MACROD2: variants seen among roughly 807,000 people sequenced by gnomAD.
The protein encoded by MACROD2 is ADP-ribose glycohydrolase MACROD2.
Under a neutral mutation model 70.4 loss-of-function variants are expected in MACROD2, and 36 were observed. The ratio of observed to expected loss-of-function variants is 0.51; its 90% CI spans 0.39 to 0.68. The LOEUF is 0.68. MACROD2 is among the 30% of genes least tolerant of loss of function. MACROD2 has a pLI of 0.00. For missense variants in MACROD2, 496 were observed against 538.4 expected (o/e 0.92, Z 0.78); for synonymous variants, 172 against 178.8 (o/e 0.96, Z 0.30).
chr20:14,723,746 A>T (rs1600588919), intron 5 of MACROD2, among the ~76,000 whole-genome samples: 1 of 151,860 alleles, frequency 6.6e-6, no homozygotes, highest in Non-Finnish European at 1.5e-5. Flanking sequence ...AAAATTATGT[A>T]TCTGGTCATA....
intron 8 of MACROD2, among the ~76,000 whole-genome samples, chr20:15,730,092 T>C (rs2050925069): frequency 6.6e-6 from 1 of 152,080 alleles, no homozygotes; most frequent in South Asian, 2.1e-4. Context: ...CCTCCCAAAG[T>C]GTTGGGATTA....
chr20:14,963,913 TAGGA>T (rs1368644709), intron 5 of MACROD2, among the ~76,000 whole-genome samples: 10 of 152,216 alleles, frequency 6.6e-5, no homozygotes, highest in Non-Finnish European at 2.9e-5. Flanking sequence ...GGGAAATGCA[TAGGA>T]TATCAATGGC....
chr20:14,287,383 AATGATGATGATG>A (rs148121991), intron 3 of MACROD2, among the ~76,000 whole-genome samples: 7 of 151,290 alleles, frequency 4.6e-5, no homozygotes, highest in African/African-American at 2.4e-5. Context: ...ATGATTAGGA[AATGATGATGATG>A]ATGATGATGA....
In MACROD2 at chr20:15,785,965, T is replaced by G. The variant is rs962677914; in HGVS notation, c.646-76780T>G. ...ACAGGAATATTTTATAAAATACTTCTTCATATCCGCAGAGTTCTGGTTAAC... is the reference window on the plus strand; with the variant it reads ...ACAGGAATATTTTATAAAATACTTCGTCATATCCGCAGAGTTCTGGTTAAC... On this transcript the variant is annotated intron_variant, in intron 8 of 17. Coordinates refer to ENST00000684519, the MANE Select transcript of MACROD2 (RefSeq NM_001351661.2). Among the ~76,000 whole-genome samples the G allele has an allele frequency of 4.6e-5, 7 of 152,154 alleles. No individual in the cohort carries two copies. The East Asian group carries it at 1.3e-3, about 29-fold the overall frequency.
chr20:15,631,743 C>G lies in MACROD2; in HGVS notation c.645+131896C>G, dbSNP rs141624264. 1.2e-4 allele frequency among the ~76,000 whole-genome samples: 18 copies of G among 152,234 alleles called. No individual in the cohort carries two copies. In the East Asian group the frequency reaches 3.5e-3, roughly 30 times the overall value. On this transcript the variant is annotated intron_variant, in intron 8 of 17. Coordinates refer to ENST00000684519, the MANE Select transcript of MACROD2 (RefSeq NM_001351661.2). ...CACTGGTTTCCAGATTTTGTTGCAC[C>G]TTGGAACCACTTGGAGAGCTTTAAA...
chr20:15,903,982 G>A (rs2065104379), intron 10 of MACROD2, among the ~76,000 whole-genome samples: 1 of 152,104 alleles, frequency 6.6e-6, no homozygotes, highest in Admixed American at 6.6e-5. Flanking sequence ...GGCATAGATG[G>A]GTGTTTTCAT....
intron 5 of MACROD2, among the ~76,000 whole-genome samples, chr20:14,937,268 A>G (rs2074348377): frequency 1.3e-5 from 2 of 151,906 alleles, no homozygotes. Context: ...GCAGTAGAAG[A>G]GGTGGTAGGG....
intron 5 of MACROD2, among the ~76,000 whole-genome samples, chr20:15,124,456 A>G (rs191166702): frequency 2.5e-3 from 378 of 151,534 alleles, no homozygotes; most frequent in Non-Finnish European, 3.9e-3. Flanking sequence ...TTTATGTTCT[A>G]TGAAATGCAT....
At chr20:14,239,032 A>C (rs1468493668) in intron 3 of MACROD2, among the ~76,000 whole-genome samples, 1 of 31,636 alleles carries the variant, frequency 3.2e-5, no homozygotes, top group Non-Finnish European at 5.0e-5. Flanking sequence ...GTCTCAAAAA[A>C]AAAAAAAAAA....
chr20:14,574,699 A>G (rs1050972048), intron 4 of MACROD2, among the ~76,000 whole-genome samples: 1 of 151,116 alleles, frequency 6.6e-6, no homozygotes, highest in African/African-American at 2.4e-5. Context: ...AACATACAAA[A>G]TATAATATAT....
In MACROD2 at chr20:14,186,881, T is replaced by C. The variant is rs1220483285; in HGVS notation, c.271+101153T>C. Among the ~76,000 whole-genome samples, 16 of 152,238 alleles carry C rather than the reference T, an allele frequency of 1.1e-4. No homozygotes were observed. The South Asian group carries it at 3.3e-3, about 32-fold the overall frequency. ...AATACCACATGTTCTAATTTATAAGTAGGTGCTAAACATTATGTACACATG... is the reference window on the plus strand; with the variant it reads ...AATACCACATGTTCTAATTTATAAGCAGGTGCTAAACATTATGTACACATG... On this transcript the variant is annotated intron_variant, in intron 3 of 17. Coordinates refer to ENST00000684519, the MANE Select transcript of MACROD2 (RefSeq NM_001351661.2).
At chr20:15,912,795 A>G (rs2065256159) in intron 10 of MACROD2, among the ~76,000 whole-genome samples, 1 of 152,254 alleles carries the variant, frequency 6.6e-6, no homozygotes, top group East Asian at 1.9e-4. Context: ...TTGACATTGA[A>G]TGGTATGCCC....
At chr20:14,167,355 T>A (rs1426563923) in intron 3 of MACROD2, among the ~76,000 whole-genome samples, 1 of 152,126 alleles carries the variant, frequency 6.6e-6, no homozygotes, top group Non-Finnish European at 1.5e-5. Flanking sequence ...GTCTTTAAGA[T>A]CAGAGACTAT....
In MACROD2 at chr20:14,422,008, T is replaced by G. The variant is rs183853366; in HGVS notation, c.272-71471T>G. Reference sequence around the variant, plus strand: ...CAAGGTATTGAGTCTTCGACTATTATCTCCCTTGTATTCCAGTATGTAGAA... The same window carrying G: ...CAAGGTATTGAGTCTTCGACTATTAGCTCCCTTGTATTCCAGTATGTAGAA... On this transcript the variant is annotated intron_variant, in intron 3 of 17. Coordinates refer to ENST00000684519, the MANE Select transcript of MACROD2 (RefSeq NM_001351661.2). Among the ~76,000 whole-genome samples, 131 of 152,290 alleles carry G rather than the reference T, an allele frequency of 8.6e-4. 1 individual carries two copies. Among genetic ancestry groups the G allele is most frequent in the African/African-American group, 2.8e-3 (118 of 41,564 alleles).
At chr20:14,566,181 C>T (rs945319660) in intron 4 of MACROD2, among the ~76,000 whole-genome samples, 11 of 151,768 alleles carry the variant, frequency 7.2e-5, no homozygotes, top group African/African-American at 2.7e-4. Context: ...AATAAAAAAC[C>T]AAATGACCAA....
intron 8 of MACROD2, among the ~76,000 whole-genome samples, chr20:15,768,759 C>A (rs1002289550): frequency 1.3e-5 from 2 of 152,056 alleles, no homozygotes; most frequent in Non-Finnish European, 2.9e-5. Flanking sequence ...TATTTTATTT[C>A]TTTATATCTT....
chr20:14,319,934 C>T (rs1001645662), intron 3 of MACROD2, among the ~76,000 whole-genome samples: 11 of 152,112 alleles, frequency 7.2e-5, no homozygotes, highest in Non-Finnish European at 1.5e-4. Flanking sequence ...GATGTGGTTT[C>T]CCTTCCTGAT....
intron 8 of MACROD2, among the ~76,000 whole-genome samples, chr20:15,677,797 G>A (rs559955343): frequency 9.2e-5 from 14 of 152,244 alleles, no homozygotes; most frequent in African/African-American, 2.4e-4. Context: ...GGCCAGGCGC[G>A]GTGGCTCACA....
chr20:15,803,002 A>T (rs2063739583), intron 8 of MACROD2, among the ~76,000 whole-genome samples: 1 of 152,144 alleles, frequency 6.6e-6, no homozygotes, highest in Non-Finnish European at 1.5e-5. Flanking sequence ...ATGAGTAATG[A>T]GATTAAATTG....
Sources: gnomAD v4.1 joint callset for allele counts (sites outside exome capture counted in the v4.1 genomes callset) on GRCh38, gnomAD v4.1.1 for gene constraint, MANE v1.5 for transcripts, NCBI Gene and HGNC (gene_info 2026-07-23, HGNC 2026-07-21) for gene names.